The following PPM1L variants were observed in gnomAD, a reference collection of about 807,000 sequenced individuals.
The protein encoded by PPM1L is protein phosphatase, Mg2+/Mn2+ dependent 1L.
Under a neutral mutation model 31.4 loss-of-function variants are expected in PPM1L, and 13 were observed. That is an observed-to-expected ratio of 0.41 (90% CI 0.27 to 0.66). The LOEUF (loss-of-function observed/expected upper bound fraction) is 0.66. PPM1L is among the 30% of genes least tolerant of loss of function. The pLI, the probability that PPM1L is intolerant of heterozygous loss-of-function variation, is 0.29. For missense variants in PPM1L, 326 were observed against 453.7 expected, an observed-to-expected ratio of 0.72 and a Z score of 2.56; for synonymous variants, 184 against 175.4, an observed-to-expected ratio of 1.05 and a Z score of -0.39.
chr3:160,843,556 T>C (rs1215984330), intron 1 of PPM1L, among the ~76,000 whole-genome samples: 4 of 150,082 alleles, frequency 2.7e-5, no homozygotes, highest in Admixed American at 6.7e-5. Context: ...CATGTTGGTG[T>C]GCTGCACCCA....
intron 1 of PPM1L, among the ~76,000 whole-genome samples, chr3:160,825,185 T>A (rs201431595): frequency 1.7e-5 from 1 of 60,008 alleles, no homozygotes; most frequent in Non-Finnish European, 3.0e-5. Flanking sequence ...GATAAACAGA[T>A]AGCCATTTGC....
intron 1 of PPM1L, among the ~76,000 whole-genome samples, chr3:160,794,924 G>C (rs968201670): frequency 7.9e-5 from 12 of 152,280 alleles, no homozygotes; most frequent in Admixed American, 2.6e-4. Context: ...GGAAACGCAG[G>C]GGGTAATGGT....
intron 2 of PPM1L, among the ~76,000 whole-genome samples, chr3:161,037,936 A>G (rs938000300): frequency 1.3e-5 from 2 of 152,044 alleles, no homozygotes; most frequent in African/African-American, 4.8e-5. Flanking sequence ...ATTGCCTCAT[A>G]AAAATGTATG....
At chr3:160,926,145 T>G (rs920204458) in intron 1 of PPM1L, among the ~76,000 whole-genome samples, 3 of 152,218 alleles carry the variant, frequency 2.0e-5, no homozygotes, top group Non-Finnish European at 2.9e-5. Context: ...GTTGTATACC[T>G]ACCTGCCCCT....
At chr3:160,898,704 T>C (rs1196845570) in intron 1 of PPM1L, among the ~76,000 whole-genome samples, 1 of 152,162 alleles carries the variant, frequency 6.6e-6, no homozygotes, top group Non-Finnish European at 1.5e-5. Context: ...CTAATTCAAT[T>C]CAGCAGACAT....
At chr3:160,903,164 AGTGTGTGTGT>A (rs60731351) in intron 1 of PPM1L, among the ~76,000 whole-genome samples, 2 of 106,530 alleles carry the variant, frequency 1.9e-5, no homozygotes, top group African/African-American at 8.6e-5. Flanking sequence ...TAGAAGCAAT[AGTGTGTGTGT>A]GTGTGTGTGT....
chr3:161,071,190 G>T lies in PPM1L; in HGVS notation c.*2033G>T, dbSNP rs1267489024. The T allele has an allele frequency of 6.6e-6, 1 of 152,180 alleles. No individual in the cohort carries two copies. The highest frequency in any genetic ancestry group is 1.5e-5 in the Non-Finnish European group (1 of 68,082). 9.4% of individuals were successfully genotyped at this position (152,180 alleles called of 1,614,324 possible). On this transcript the variant is annotated 3_prime_UTR_variant, in exon 4 of 4. Transcript: ENST00000498165. ...CGGCTGAGTTTGCTTGGAAATTCAGGACATTCTGACTCCTAAGAGTTGCCC... is the reference window on the plus strand; with the variant it reads ...CGGCTGAGTTTGCTTGGAAATTCAGTACATTCTGACTCCTAAGAGTTGCCC...
intron 1 of PPM1L, among the ~76,000 whole-genome samples, chr3:160,900,242 G>A (rs906879513): frequency 6.6e-6 from 1 of 151,936 alleles, no homozygotes; most frequent in African/African-American, 2.4e-5. Context: ...CCATCAGATG[G>A]TCTTTTAAAC....
intron 1 of PPM1L, among the ~76,000 whole-genome samples, chr3:160,950,902 A>G (rs1418418986): frequency 6.6e-6 from 1 of 152,242 alleles, no homozygotes; most frequent in Non-Finnish European, 1.5e-5. Context: ...GATAGCACTA[A>G]TGGAAGTTAA....
chr3:160,917,620 T>A (rs1714233301), intron 1 of PPM1L, among the ~76,000 whole-genome samples: 1 of 152,050 alleles, frequency 6.6e-6, no homozygotes. Flanking sequence ...CCTGCAGCTA[T>A]TAAAAGCAAA....
chr3:161,022,192 A>G (rs989962453), intron 2 of PPM1L: 2 of 671,126 alleles, frequency 3.0e-6, no homozygotes, highest in Non-Finnish European at 5.3e-6. Context: ...TGCAAGTAAC[A>G]CCTTAGCTTC....
chr3:160,848,410 C>T (rs1319405123), intron 1 of PPM1L, among the ~76,000 whole-genome samples: 1 of 152,140 alleles, frequency 6.6e-6, no homozygotes, highest in Non-Finnish European at 1.5e-5. Flanking sequence ...TGGAGCTTTC[C>T]ATTGCATTTG....
chr3:160,891,905 C>G (rs1254171302), intron 1 of PPM1L, among the ~76,000 whole-genome samples: 1 of 152,074 alleles, frequency 6.6e-6, no homozygotes, highest in Non-Finnish European at 1.5e-5. Flanking sequence ...AACAGAAAAC[C>G]AAACGCCACA....
intron 1 of PPM1L, among the ~76,000 whole-genome samples, chr3:160,791,636 C>T (rs1712107347): frequency 6.6e-6 from 1 of 151,914 alleles, no homozygotes; most frequent in Admixed American, 6.6e-5. Flanking sequence ...ATTTGCTTTC[C>T]AGTGGATAGG....
At chr3:160,896,807 A>G (rs1310327417) in intron 1 of PPM1L, among the ~76,000 whole-genome samples, 1 of 152,178 alleles carries the variant, frequency 6.6e-6, no homozygotes, top group Non-Finnish European at 1.5e-5. Flanking sequence ...AATGGGAATC[A>G]CTTCCTTATG....
intron 1 of PPM1L, among the ~76,000 whole-genome samples, chr3:160,827,481 G>A (rs889218279): frequency 6.6e-5 from 10 of 150,576 alleles, no homozygotes; most frequent in Non-Finnish European, 1.0e-4. Context: ...GTGTGTGTGT[G>A]TGTATGTATG....
intron 1 of PPM1L, among the ~76,000 whole-genome samples, chr3:160,765,381 A>C (rs1715079460): frequency 6.6e-6 from 1 of 152,110 alleles, no homozygotes; most frequent in African/African-American, 2.4e-5. Flanking sequence ...AGTCTTCTCG[A>C]TTTGCTTAGT....
intron 2 of PPM1L, among the ~76,000 whole-genome samples, chr3:161,048,850 T>C (rs1368679763): frequency 6.9e-6 from 1 of 145,644 alleles, no homozygotes; most frequent in Admixed American, 7.2e-5. Context: ...AAACACTGCA[T>C]GTTCTCACTT....
chr3:160,967,889 G>T (rs1259669055), intron 2 of PPM1L, among the ~76,000 whole-genome samples: 4 of 152,020 alleles, frequency 2.6e-5, no homozygotes, highest in African/African-American at 9.7e-5. Context: ...GGACCTCATA[G>T]ATGTCTTCTA....
Sources: allele counts gnomAD v4.1 joint callset (sites outside exome capture counted in the v4.1 genomes callset), GRCh38; gene constraint gnomAD v4.1.1; transcripts MANE v1.5; gene names NCBI Gene and HGNC (gene_info 2026-07-23, HGNC 2026-07-21).